CNTN5: variants seen among roughly 807,000 people sequenced by gnomAD.
CNTN5 encodes contactin-5.
CNTN5 carries 77 observed loss-of-function variants against 129.1 expected under a neutral mutation model. That is an observed-to-expected ratio of 0.60 (90% CI 0.50 to 0.72). The LOEUF is 0.72. Ranked by LOEUF, CNTN5 falls within the 30% of genes least tolerant of loss-of-function variation. The pLI is 0.00. For synonymous variants in CNTN5, 509 were observed against 465.6 expected (o/e 1.09, Z -1.20); for missense variants, 1,478 against 1,328.8 (o/e 1.11, Z -1.75).
intron 7 of CNTN5, 30 bp from the exon 8 acceptor site, chr11:99,956,776 T>C: frequency 6.3e-7 from 1 of 1,584,778 alleles, no homozygotes; most frequent in Non-Finnish European, 8.7e-7. Flanking sequence ...AATCAAAGTC[T>C]TTCGTTGACC....
chr11:100,300,506 T>C (rs529336893), intron 20 of CNTN5, among the ~76,000 whole-genome samples: 371 of 151,636 alleles, frequency 2.4e-3, no homozygotes, highest in Non-Finnish European at 4.8e-3. Flanking sequence ...TGTGCCCACA[T>C]GTAGGACTTG....
At chr11:99,345,597 C>T (rs1937791231) in intron 2 of CNTN5, among the ~76,000 whole-genome samples, 1 of 152,138 alleles carries the variant, frequency 6.6e-6, no homozygotes, top group Admixed American at 6.5e-5. Flanking sequence ...TGTCATATAA[C>T]AATAATAGCT....
intron 21 of CNTN5, among the ~76,000 whole-genome samples, chr11:100,313,662 A>C (rs1298357774): frequency 6.6e-6 from 1 of 151,988 alleles, no homozygotes; most frequent in Non-Finnish European, 1.5e-5. Context: ...ATTTAAATCC[A>C]TGCTACCATA....
chr11:99,920,225 G>A (rs941173757), intron 7 of CNTN5, among the ~76,000 whole-genome samples: 1 of 151,892 alleles, frequency 6.6e-6, no homozygotes, highest in Non-Finnish European at 1.5e-5. Flanking sequence ...CCTCACTCTT[G>A]ATATTCCTCC....
intron 1 of CNTN5, among the ~76,000 whole-genome samples, chr11:99,027,017 A>G (rs972078922): frequency 2.0e-5 from 3 of 151,596 alleles, no homozygotes; most frequent in African/African-American, 7.2e-5. Context: ...TTAACCAACA[A>G]CTACAGAACT....
intron 7 of CNTN5, among the ~76,000 whole-genome samples, chr11:99,947,245 A>G (rs933969713): frequency 9.9e-5 from 15 of 151,748 alleles, no homozygotes; most frequent in Middle Eastern, 3.4e-3. Context: ...AAAAAACCCC[A>G]GCCAAAACTT....
intron 1 of CNTN5, among the ~76,000 whole-genome samples, chr11:99,246,299 ACACAT>A (rs1482652497): frequency 1.3e-4 from 16 of 124,678 alleles, no homozygotes; most frequent in Non-Finnish European, 2.8e-4. Flanking sequence ...TACACTACCC[ACACAT>A]TATTTCATCT....
intron 4 of CNTN5, among the ~76,000 whole-genome samples, chr11:99,841,900 T>TC (rs1947517236): frequency 6.7e-6 from 1 of 149,032 alleles, no homozygotes; most frequent in Non-Finnish European, 1.5e-5. Flanking sequence ...ATATATATTT[T>TC]TTTTTTATGG....
intron 4 of CNTN5, among the ~76,000 whole-genome samples, chr11:99,836,951 G>A (rs1487049808): frequency 6.6e-6 from 1 of 152,196 alleles, no homozygotes; most frequent in Non-Finnish European, 1.5e-5. Flanking sequence ...TGGTGGGAGT[G>A]TAGCAGTGAA....
chr11:100,200,336 A>G (rs772078276), intron 15 of CNTN5, among the ~76,000 whole-genome samples: 3 of 151,982 alleles, frequency 2.0e-5, no homozygotes, highest in Non-Finnish European at 4.4e-5. Flanking sequence ...AAGTTGTCCC[A>G]TATAAAAAGA....
At chr11:100,305,708 T>G (rs1208408043) in intron 20 of CNTN5, among the ~76,000 whole-genome samples, 2 of 151,590 alleles carry the variant, frequency 1.3e-5, no homozygotes, top group African/African-American at 4.8e-5. Flanking sequence ...TGCAGACCAA[T>G]TTTTGACCCA....
chr11:100,318,477 G>T (rs998387435), intron 21 of CNTN5, among the ~76,000 whole-genome samples: 5 of 152,198 alleles, frequency 3.3e-5, no homozygotes, highest in Admixed American at 6.5e-5. Flanking sequence ...AATTGACATT[G>T]TCAATTACTA....
intron 1 of CNTN5, among the ~76,000 whole-genome samples, chr11:99,048,898 C>G (rs1266648879): frequency 6.6e-6 from 1 of 152,136 alleles, no homozygotes; most frequent in African/African-American, 2.4e-5. Flanking sequence ...AGTGTGTTTT[C>G]ATGGACAAAG....
intron 21 of CNTN5, among the ~76,000 whole-genome samples, chr11:100,335,112 A>G (rs539487): frequency 0.71 from 107,788 of 151,782 alleles, 39,316 homozygotes; most frequent in East Asian, 0.97. Flanking sequence ...AGGGAGATTC[A>G]GGAGATCTCT....
intron 8 of CNTN5, among the ~76,000 whole-genome samples, chr11:99,968,656 C>CTTTTTTTTTTTTTTTTTTTTTTTTTTT (rs71050037): frequency 5.4e-5 from 4 of 73,908 alleles, no homozygotes; most frequent in Non-Finnish European, 4.9e-5. Flanking sequence ...GCTTTGGGTA[C>CTTTTTTTTTTTTTTTTTTTTTTTTTTT]TTTTTTTTTT....
rs1466527001 is a variant in CNTN5, at chr11:100,225,100, C to A, written c.2005+288C>A. Reference sequence around the variant, plus strand: ...CAAGGAAATAATCTAAACAGTTGAGCTACTAAGTCACTTGGACTACAGAGA... The same window carrying A: ...CAAGGAAATAATCTAAACAGTTGAGATACTAAGTCACTTGGACTACAGAGA... On this transcript the variant is annotated intron_variant, in intron 16 of 24. Transcript: ENST00000524871. The A allele has an allele frequency of 4.4e-5, 9 of 202,266 alleles. No homozygotes were observed. In the East Asian group the frequency reaches 7.2e-4, roughly 16 times the overall value. 12.5% of individuals were successfully genotyped at this position (202,266 alleles called of 1,614,324 possible).
intron 15 of CNTN5, among the ~76,000 whole-genome samples, chr11:100,212,610 C>G (rs1949056275): frequency 6.6e-6 from 1 of 152,124 alleles, no homozygotes; most frequent in Non-Finnish European, 1.5e-5. Context: ...AACTTTGTTT[C>G]TAGTTAGCTG....
intron 2 of CNTN5, among the ~76,000 whole-genome samples, chr11:99,358,255 ATTTTTTT>A (rs1186386021): frequency 2.1e-5 from 1 of 46,914 alleles, no homozygotes. Flanking sequence ...CGCCCTGCTG[ATTTTTTT>A]TTTTTTTTTT....
intron 13 of CNTN5, among the ~76,000 whole-genome samples, chr11:100,151,306 C>T (rs914475349): frequency 3.9e-5 from 6 of 151,948 alleles, no homozygotes; most frequent in Non-Finnish European, 8.8e-5. Context: ...TTATTACATA[C>T]CATGTTCCAG....
Sources: gnomAD v4.1 joint callset for allele counts (sites outside exome capture counted in the v4.1 genomes callset) on GRCh38, gnomAD v4.1.1 for gene constraint, MANE v1.5 for transcripts, NCBI Gene and HGNC (gene_info 2026-07-23, HGNC 2026-07-21) for gene names.